The following FYN variants were observed in gnomAD, a reference collection of about 807,000 sequenced individuals.
FYN encodes tyrosine-protein kinase Fyn.
A neutral mutation model predicts 70.2 loss-of-function variants in FYN; 10 were observed. The ratio of observed to expected loss-of-function variants is 0.14; its 90% CI spans 0.09 to 0.24. The LOEUF (loss-of-function observed/expected upper bound fraction) is 0.24. Ranked by LOEUF, FYN falls within the 10% of genes least tolerant of loss-of-function variation. FYN has a pLI of 1.00. For synonymous variants in FYN, 236 were observed against 248.6 expected, an observed-to-expected ratio of 0.95 and a Z score of 0.48; for missense variants, 319 against 673.1, an observed-to-expected ratio of 0.47 and a Z score of 5.82.
intron 2 of FYN, among the ~76,000 whole-genome samples, chr6:111,836,695 G>A (rs764440248): frequency 6.6e-6 from 1 of 152,210 alleles, no homozygotes; most frequent in Non-Finnish European, 1.5e-5. Context: ...CCAGGAGGTT[G>A]AGGCTGCAGT....
intron 1 of FYN, among the ~76,000 whole-genome samples, chr6:111,856,749 A>G (rs1030913102): frequency 1.3e-5 from 2 of 152,126 alleles, no homozygotes; most frequent in African/African-American, 4.8e-5. Context: ...CCCCCGACAC[A>G]CAAGGTAAAA....
At chr6:111,802,591 C>G (rs2114254044) in intron 2 of FYN, among the ~76,000 whole-genome samples, 1 of 152,122 alleles carries the variant, frequency 6.6e-6, no homozygotes, top group Middle Eastern at 3.4e-3. Context: ...GCTATCACAC[C>G]CAGCTAATTT....
chr6:111,738,458 A>T (rs993675495), intron 3 of FYN, among the ~76,000 whole-genome samples: 5 of 152,194 alleles, frequency 3.3e-5, no homozygotes, highest in Non-Finnish European at 7.3e-5. Flanking sequence ...AGCCAGGCAA[A>T]GCTGCTCACT....
chr6:111,830,597 C>T (rs1772985939), intron 2 of FYN, among the ~76,000 whole-genome samples: 1 of 152,036 alleles, frequency 6.6e-6, no homozygotes, highest in Non-Finnish European at 1.5e-5. Flanking sequence ...GGACAAATAA[C>T]AGAAGGGACA....
chr6:111,679,827 G>C (rs1018830036), intron 12 of FYN, among the ~76,000 whole-genome samples: 1 of 152,130 alleles, frequency 6.6e-6, no homozygotes, highest in South Asian at 2.1e-4. Flanking sequence ...GTATCTGAGT[G>C]GGGGAGCCCC....
At chr6:111,684,637 A>G (rs535825221) in intron 12 of FYN, among the ~76,000 whole-genome samples, 3 of 152,302 alleles carry the variant, frequency 2.0e-5, no homozygotes, top group Admixed American at 1.3e-4. Context: ...CAGGAAGTGA[A>G]GGGAGGAAAC....
Position 111,686,409 on chromosome 6 carries a change from T to C in FYN, c.1273+7966A>G, listed in dbSNP as rs570515666. On this transcript the variant is annotated intron_variant, in intron 12 of 13. Transcript: ENST00000354650. ...GTGTCTGACCTCGGAGGGCAGGGCATTCTGTCGGGCAAGTCCCCTGGGGTC... is the reference window on the plus strand; with the variant it reads ...GTGTCTGACCTCGGAGGGCAGGGCACTCTGTCGGGCAAGTCCCCTGGGGTC... Among the ~76,000 whole-genome samples the C allele has an allele frequency of 3.9e-5, 6 of 152,226 alleles. No individual in the cohort carries two copies. The East Asian group carries it at 1.2e-3, about 30-fold the overall frequency.
chr6:111,773,891 C>T (rs1244231224), intron 3 of FYN, among the ~76,000 whole-genome samples: 1 of 152,164 alleles, frequency 6.6e-6, no homozygotes, highest in Non-Finnish European at 1.5e-5. Flanking sequence ...TGGCTGACAT[C>T]AAAACTAAAC....
intron 13 of FYN, among the ~76,000 whole-genome samples, chr6:111,673,477 C>T (rs1233228269): frequency 6.6e-6 from 1 of 152,024 alleles, no homozygotes; most frequent in Non-Finnish European, 1.5e-5. Context: ...CTGAAGATGA[C>T]CAGAAACAAT....
intron 1 of FYN, among the ~76,000 whole-genome samples, chr6:111,864,331 C>T (rs948330205): frequency 2.1e-4 from 32 of 152,240 alleles, no homozygotes; most frequent in African/African-American, 7.7e-4. Context: ...GTCACTTACT[C>T]TGTGACGCTG....
Position 111,870,933 on chromosome 6 carries a change from T to G in FYN, c.-123+2035A>C, listed in dbSNP as rs6921235. ...AACAAACGACCCTTTGTTTTTACAG[T>G]ACACTCATTAACCCTATTGCTTTTT... is the stretch of plus-strand genomic sequence containing the variant. On this transcript the variant is annotated intron_variant, in intron 1 of 13. Transcript: ENST00000354650. 1.7e-3 allele frequency among the ~76,000 whole-genome samples: 255 copies of G among 152,368 alleles called. 2 individuals are homozygous for G. Among genetic ancestry groups the G allele is most frequent in the African/African-American group, 6.0e-3 (249 of 41,584 alleles).
At chr6:111,801,692 T>C (rs1297092579) in intron 2 of FYN, among the ~76,000 whole-genome samples, 1 of 152,220 alleles carries the variant, frequency 6.6e-6, no homozygotes, top group African/African-American at 2.4e-5. Context: ...TATCTGAGAC[T>C]GTGACAAATG....
At chr6:111,805,344 G>A (rs760427316) in intron 2 of FYN, among the ~76,000 whole-genome samples, 13 of 152,144 alleles carry the variant, frequency 8.5e-5, no homozygotes, top group Admixed American at 3.3e-4. Flanking sequence ...CTGGATAAGC[G>A]TGAATTTCAG....
At chr6:111,783,130 G>A (rs1345151928) in intron 2 of FYN, among the ~76,000 whole-genome samples, 1 of 152,202 alleles carries the variant, frequency 6.6e-6, no homozygotes, top group East Asian at 1.9e-4. Context: ...GGAATCCTGT[G>A]TATCTTTTGT....
At chr6:111,850,304 A>G (rs1441916425) in intron 1 of FYN, among the ~76,000 whole-genome samples, 1 of 152,232 alleles carries the variant, frequency 6.6e-6, no homozygotes. Flanking sequence ...TCTATTTCAA[A>G]TTCAACTCTT....
chr6:111,682,337 C>T (rs1199853053), intron 12 of FYN, among the ~76,000 whole-genome samples: 1 of 152,172 alleles, frequency 6.6e-6, no homozygotes, highest in Non-Finnish European at 1.5e-5. Flanking sequence ...AGGATGACTG[C>T]CCAAAGTCAT....
intron 2 of FYN, among the ~76,000 whole-genome samples, chr6:111,822,732 A>T (rs1772710804): frequency 6.6e-6 from 1 of 152,176 alleles, no homozygotes; most frequent in Non-Finnish European, 1.5e-5. Context: ...GTAGAGGTAG[A>T]GGCTGCAAAG....
At chr6:111,752,597 A>G (rs1172140498) in intron 3 of FYN, among the ~76,000 whole-genome samples, 3 of 152,210 alleles carry the variant, frequency 2.0e-5, no homozygotes, top group African/African-American at 7.2e-5. Context: ...GGAGGCATGG[A>G]AGACATTTAG....
At chr6:111,668,502 G>GAAA (rs140235658) in intron 13 of FYN, among the ~76,000 whole-genome samples, 8 of 126,444 alleles carry the variant, frequency 6.3e-5, no homozygotes, top group Admixed American at 1.7e-4. Context: ...CTTTGTCCCA[G>GAAA]AAAAAAAAAA....
Sources: gnomAD v4.1 joint callset for allele counts (sites outside exome capture counted in the v4.1 genomes callset) on GRCh38, gnomAD v4.1.1 for gene constraint, MANE v1.5 for transcripts, NCBI Gene and HGNC (gene_info 2026-07-23, HGNC 2026-07-21) for gene names.